ASCC1: variants seen among roughly 807,000 people sequenced by gnomAD.
ASCC1 encodes ASC-1 complex subunit P50.
ASCC1 carries 35 observed loss-of-function variants against 46.6 expected under a neutral mutation model. That is an observed-to-expected ratio of 0.75 (90% CI 0.57 to 0.99). The LOEUF (loss-of-function observed/expected upper bound fraction) is 0.99. ASCC1 is among the 50% of genes least tolerant of loss of function. ASCC1 has a pLI of 0.00. For missense variants in ASCC1, 376 were observed against 428.7 expected, an observed-to-expected ratio of 0.88 and a Z score of 1.09; for synonymous variants, 143 against 146.6, an observed-to-expected ratio of 0.98 and a Z score of 0.18.
At chr10:72,140,622 T>C (rs1846851349) in intron 7 of ASCC1, among the ~76,000 whole-genome samples, 1 of 152,184 alleles carries the variant, frequency 6.6e-6, no homozygotes, top group African/African-American at 2.4e-5. Context: ...ATTATATGCA[T>C]AGACAATGAC....
chr10:72,187,295 T>A (rs1218589008), intron 5 of ASCC1, among the ~76,000 whole-genome samples: 1 of 152,210 alleles, frequency 6.6e-6, no homozygotes, highest in Non-Finnish European at 1.5e-5. Context: ...AAATGCAAAG[T>A]TAGTCACTTA....
intron 4 of ASCC1, chr10:72,198,499 G>A: frequency 2.2e-6 from 1 of 454,664 alleles, no homozygotes; most frequent in South Asian, 1.6e-5. Context: ...GATTGCCTGA[G>A]GCCAGGAGTT....
rs1855518854 is a variant in ASCC1 at position 72,196,920 on chromosome 10, A to G, written c.380T>C (p.Phe127Ser). ...GTGAGTGAAGGGCTGCTTTCTTCGA[A>G]AAGTGTCCAAAAGAACATCAATCCG... The part of the protein sequence containing the change: ...RTRIDVLLDT[F>S]RRKQPFTHFL... Residue 127 changes from phenylalanine (F) to serine (S), a missense_variant, in exon 5 of 10, where the codon TTT becomes TCT. By Grantham distance (155) the Phe-to-Ser change is radical. Transcript: ENST00000672957. 6.2e-7 allele frequency: 1 copy of G among 1,613,690 alleles called. No individual in the cohort carries two copies.
chr10:72,148,225 C>G (rs1334928732), intron 7 of ASCC1, among the ~76,000 whole-genome samples: 1 of 152,116 alleles, frequency 6.6e-6, no homozygotes, highest in Non-Finnish European at 1.5e-5. Flanking sequence ...TGTGATGAAA[C>G]TGGCAGTATG....
At chr10:72,175,276 A>G (rs1851726635) in intron 5 of ASCC1, among the ~76,000 whole-genome samples, 2 of 152,372 alleles carry the variant, frequency 1.3e-5, no homozygotes, top group Middle Eastern at 3.4e-3. Flanking sequence ...CAGATGAAAC[A>G]CATATGAAGT....
At chr10:72,137,051 C>T (rs1188831909) in intron 7 of ASCC1, among the ~76,000 whole-genome samples, 1 of 152,140 alleles carries the variant, frequency 6.6e-6, no homozygotes, top group East Asian at 1.9e-4. Context: ...GGAACCAATT[C>T]TGGACATACC....
chr10:72,127,524 G>A (rs1046756836), intron 9 of ASCC1, among the ~76,000 whole-genome samples: 17 of 151,978 alleles, frequency 1.1e-4, no homozygotes, highest in Non-Finnish European at 2.2e-4. Context: ...TGGGTAAAGA[G>A]AAAAATCTAC....
intron 5 of ASCC1, among the ~76,000 whole-genome samples, chr10:72,167,638 CT>C (rs547602844): frequency 0.026 from 3,498 of 133,614 alleles, 77 homozygotes; most frequent in African/African-American, 0.071. Flanking sequence ...GTGTCTATGT[CT>C]TTTTTTTTTT....
At chr10:72,169,909 C>A (rs543666290) in intron 5 of ASCC1, among the ~76,000 whole-genome samples, 1 of 152,290 alleles carries the variant, frequency 6.6e-6, no homozygotes, top group South Asian at 2.1e-4. Context: ...CACCTGAGAT[C>A]AGGAGTTCGA....
intron 7 of ASCC1, among the ~76,000 whole-genome samples, chr10:72,134,914 A>C (rs1846012610): frequency 6.6e-6 from 1 of 152,256 alleles, no homozygotes; most frequent in South Asian, 2.1e-4. Flanking sequence ...GTCCTCTATC[A>C]GAGCAGTTTT....
At chr10:72,102,333 C>T (rs1841867459) in intron 9 of ASCC1, 3 of 1,548,644 alleles carry the variant, frequency 1.9e-6, no homozygotes, top group Non-Finnish European at 2.6e-6. Context: ...CTGTATCTTA[C>T]CCACTAGCTC....
At chr10:72,200,428 C>A (rs1856331385) in intron 4 of ASCC1, among the ~76,000 whole-genome samples, 1 of 151,984 alleles carries the variant, frequency 6.6e-6, no homozygotes. Flanking sequence ...AGGCTGGCTG[C>A]ACCTGAGGTC....
intron 3 of ASCC1, among the ~76,000 whole-genome samples, chr10:72,207,403 G>A (rs982513530): frequency 2.0e-5 from 3 of 152,184 alleles, no homozygotes; most frequent in African/African-American, 7.2e-5. Flanking sequence ...AACAGAGTGA[G>A]AATCCGTCTC....
intron 3 of ASCC1, among the ~76,000 whole-genome samples, chr10:72,206,184 C>T (rs11818326): frequency 0.062 from 9,433 of 151,350 alleles, 976 homozygotes; most frequent in African/African-American, 0.21. Context: ...GCGGGTGGAT[C>T]ACCTGAGGTC....
At chr10:72,101,339 G>A (rs1267122248) in intron 9 of ASCC1, among the ~76,000 whole-genome samples, 3 of 152,130 alleles carry the variant, frequency 2.0e-5, no homozygotes, top group South Asian at 2.1e-4. Context: ...GGTTAAGTGC[G>A]TGAGATGAGA....
chr10:72,172,339 CG>C (rs1248483384), intron 5 of ASCC1, among the ~76,000 whole-genome samples: 1 of 146,128 alleles, frequency 6.8e-6, no homozygotes, highest in Non-Finnish European at 1.5e-5. Context: ...CGCTTGAACC[CG>C]GAAGGCAGAG....
chr10:72,167,802 A>AT lies in ASCC1; in HGVS notation c.490-6129dup, dbSNP rs1392169346. ...AAGCTCACATCACCACACCTAGCTA[A>AT]TTTTTTTTAAATTTTTGTAGAAATG... On this transcript the variant is annotated intron_variant, in intron 5 of 9. Transcript: ENST00000672957. 2.6e-5 allele frequency among the ~76,000 whole-genome samples: 4 copies of AT among 151,790 alleles called. No homozygotes were observed. In the South Asian group the frequency reaches 8.3e-4, roughly 32 times the overall value.
intron 5 of ASCC1, among the ~76,000 whole-genome samples, chr10:72,187,547 T>C (rs1001863984): frequency 4.6e-5 from 7 of 151,716 alleles, no homozygotes; most frequent in Non-Finnish European, 7.4e-5. Flanking sequence ...GGTGAAACCC[T>C]GTCTCTACTA....
chr10:72,142,714 A>G (rs1847168780), intron 7 of ASCC1, among the ~76,000 whole-genome samples: 1 of 152,050 alleles, frequency 6.6e-6, no homozygotes, highest in Non-Finnish European at 1.5e-5. Flanking sequence ...CTACTGCTCT[A>G]GTTCAGGCCT....
Sources: gnomAD v4.1 joint callset for allele counts (sites outside exome capture counted in the v4.1 genomes callset) on GRCh38, gnomAD v4.1.1 for gene constraint, MANE v1.5 for transcripts, NCBI Gene and HGNC (gene_info 2026-07-23, HGNC 2026-07-21) for gene names.